Variants in ZNF738 observed in about 807,000 individuals in gnomAD.
ZNF738 encodes zinc finger protein 738.
Under a neutral mutation model 9.2 loss-of-function variants are expected in ZNF738, and 10 were observed. That is an observed-to-expected ratio of 1.09 (90% CI 0.67 to 1.85). The LOEUF (loss-of-function observed/expected upper bound fraction) is 1.85, where lower values mean the gene tolerates loss of function less well. Among genes scored for constraint, ZNF738 ranks in the 40% most tolerant of loss-of-function variants. The pLI, the probability that ZNF738 is intolerant of heterozygous loss-of-function variation, is 0.00. For missense variants in ZNF738, 346 were observed against 283.6 expected (o/e 1.22, Z -1.58); for synonymous variants, 113 against 94.5 (o/e 1.20, Z -1.14).
rs1178788958 is a variant in ZNF738, at chr19:21,385,549, T to G, written c.*1875T>G. Among the ~76,000 whole-genome samples the G allele has an allele frequency of 1.3e-5, 2 of 152,012 alleles. No individual in the cohort carries two copies. The highest frequency in any genetic ancestry group is 2.9e-5 in the Non-Finnish European group (2 of 67,992). On this transcript the variant is annotated 3_prime_UTR_variant, in exon 5 of 5. Transcript: ENST00000683779. ...AGAATGTGAGAAAGCTCTTAACCAG[T>G]CCTCACACCTTACTGCACATAAGAG...
At chr19:21,382,525 C>A (rs1974018401) in intron 4 of ZNF738, among the ~76,000 whole-genome samples, 1 of 152,110 alleles carries the variant, frequency 6.6e-6, no homozygotes, top group Admixed American at 6.5e-5. Flanking sequence ...GTGTGAGCCA[C>A]CACATCTGGG....
At chr19:21,376,036 C>T in intron 4 of ZNF738, 72 bp downstream of exon 4, 1 of 620,382 alleles carries the variant, frequency 1.6e-6, no homozygotes, top group Admixed American at 2.6e-5. Context: ...AAAGCAGTCC[C>T]TATAATGTGA....
intron 4 of ZNF738, 191 bp downstream of exon 4, chr19:21,376,155 G>A (rs1568369688): frequency 2.4e-6 from 1 of 411,736 alleles, no homozygotes; most frequent in Non-Finnish European, 4.5e-6. Flanking sequence ...GCCATCTTCT[G>A]TCTTAGGCTT....
chr19:21,383,573 C>A lies in ZNF738; in HGVS notation c.1027C>A (p.Pro343Thr). ...KHKIIHTGEK[P>T]YKCEECGKAF... The stretch of plus-strand genomic sequence containing the variant: ...TAAGATAATTCATACTGGAGAGAAA[C>A]CCTACAAATGTGAGGAATGTGGCAA... The change falls in exon 5 of 5, where the codon CCC (proline) becomes ACC (threonine). Residue 343 changes from proline to threonine, a missense_variant. Physicochemically the swap from Pro to Thr is conservative, Grantham distance 38. Coordinates refer to ENST00000683779, the MANE Select transcript of ZNF738 (RefSeq NM_001355237.2). 9.7e-7 allele frequency: 1 copy of A among 1,026,698 alleles called. No homozygotes were observed. Among genetic ancestry groups the A allele is most frequent in the Non-Finnish European group, 1.5e-6 (1 of 662,366 alleles). 63.6% of individuals were successfully genotyped at this position (1,026,698 alleles called of 1,614,324 possible). A position where few individuals can be genotyped will look rare whatever the true frequency, so the allele number is the denominator to read the frequency against.
rs1974065438 is a variant in ZNF738, at chr19:21,386,228, A to G, written c.*2554A>G. 1.0e-5 allele frequency: 3 copies of G among 291,898 alleles called. No individual in the cohort carries two copies. Among genetic ancestry groups the G allele is most frequent in the Non-Finnish European group, 2.1e-5 (3 of 143,188 alleles). 18.1% of individuals were successfully genotyped at this position (291,898 alleles called of 1,614,324 possible). ...TAATGGTCCCCTCAACTTTCTGCAC[A>G]TAAGATAATTTATACTGTGGAGAAG... On this transcript the variant is annotated 3_prime_UTR_variant, in exon 5 of 5. Coordinates refer to ENST00000683779, the MANE Select transcript of ZNF738 (RefSeq NM_001355237.2).
chr19:21,375,215 G>GTA (rs532564426), intron 2 of ZNF738, 23 bp from the exon 3 acceptor site: 1 of 888,394 alleles, frequency 1.1e-6, no homozygotes, highest in Non-Finnish European at 1.7e-6. Context: ...TTGTAAATAT[G>GTA]TGTGTGTGTG....
intron 3 of ZNF738, 56 bp downstream of exon 3, chr19:21,375,420 A>T: frequency 1.7e-6 from 1 of 579,478 alleles, no homozygotes; most frequent in Non-Finnish European, 3.1e-6. Context: ...TCATTTCTCC[A>T]TTTTTGTAGA....
Position 21,374,152 on chromosome 19 carries a change from T to C in ZNF738, c.97-1086T>C, listed in dbSNP as rs183814893. 5.9e-5 allele frequency among the ~76,000 whole-genome samples: 9 copies of C among 152,312 alleles called. No homozygotes were observed. The East Asian group carries it at 1.7e-3, about 29-fold the overall frequency. ...TAGTAAGGATGGAGAACATGTAATG[T>C]TGAGGTTTCATATGTGTTCTTCATT... On this transcript the variant is annotated intron_variant, in intron 2 of 4. Transcript: ENST00000683779.
chr19:21,375,722 C>A, intron 3 of ZNF738, 147 bp from the exon 4 acceptor site: 1 of 453,360 alleles, frequency 2.2e-6, no homozygotes, highest in South Asian at 4.3e-5. Context: ...AAAATATTTT[C>A]TAAATGTAAG....
intron 4 of ZNF738, chr19:21,377,628 A>T: frequency 2.1e-6 from 1 of 466,390 alleles, no homozygotes; most frequent in Non-Finnish European, 3.8e-6. Flanking sequence ...TTTATGTAAG[A>T]TATGACAGTT....
At chr19:21,371,846 AAAAG>A (rs1973860714) in intron 2 of ZNF738, 1 of 152,246 alleles carries the variant, frequency 6.6e-6, no homozygotes, top group Non-Finnish European at 1.5e-5. Context: ...AGAAAACTTT[AAAAG>A]ATCCATTTAA....
intron 3 of ZNF738, 44 bp from the exon 4 acceptor site, chr19:21,375,825 G>A (rs1973920310): frequency 2.6e-6 from 2 of 759,062 alleles, no homozygotes; most frequent in Admixed American, 1.8e-5. Flanking sequence ...TAGGTAATTA[G>A]AGAATATGAG....
chr19:21,386,259 C>A lies in ZNF738; in HGVS notation c.*2585C>A. 1 of 280,504 alleles carries A rather than the reference C, an allele frequency of 3.6e-6. No individual in the cohort carries two copies. The allele number at this position is 280,504 out of a possible 1,614,324, so 17.4% of individuals were successfully genotyped here. A position where few individuals can be genotyped will look rare whatever the true frequency, so the allele number is the denominator to read the frequency against. On this transcript the variant is annotated 3_prime_UTR_variant, in exon 5 of 5. Coordinates refer to ENST00000683779, the MANE Select transcript of ZNF738 (RefSeq NM_001355237.2). ...TAATTTATACTGTGGAGAAGCCTTA[C>A]AAATGTGAAAAATGTAGCAAACCTT...
intron 4 of ZNF738, chr19:21,381,717 T>C: frequency 3.2e-6 from 1 of 312,946 alleles, no homozygotes; most frequent in Non-Finnish European, 6.1e-6. Flanking sequence ...ATGGTCTCGA[T>C]CTCCTGACCT....
intron 2 of ZNF738, 25 bp from the exon 3 acceptor site, chr19:21,375,213 A>ATATG: frequency 7.2e-6 from 6 of 839,046 alleles, no homozygotes; most frequent in Non-Finnish European, 1.1e-5. Flanking sequence ...ACTTGTAAAT[A>ATATG]TGTGTGTGTG....
At chr19:21,366,941 A>G (rs1973789481) in intron 2 of ZNF738, among the ~76,000 whole-genome samples, 1 of 152,016 alleles carries the variant, frequency 6.6e-6, no homozygotes, top group Admixed American at 6.6e-5. Context: ...CTCCTATCTC[A>G]TCTTGTGACT....
Position 21,388,473 on chromosome 19 carries a change from T to G in ZNF738, c.*4799T>G, listed in dbSNP as rs1016430143. Among the ~76,000 whole-genome samples, 2 of 152,170 alleles carry G rather than the reference T, an allele frequency of 1.3e-5. No homozygotes were observed. The highest frequency in any genetic ancestry group is 2.9e-5 in the Non-Finnish European group (2 of 68,020). On this transcript the variant is annotated 3_prime_UTR_variant, in exon 5 of 5. Transcript: ENST00000683779. Reference sequence around the variant, plus strand: ...CTTGAGTGATATATGAGGTAGGTGTTAAGAGTATTGTTCTTTTGCATTATG... The same window carrying G: ...CTTGAGTGATATATGAGGTAGGTGTGAAGAGTATTGTTCTTTTGCATTATG...
chr19:21,381,915 C>G (rs1228750175), intron 4 of ZNF738: 3 of 244,370 alleles, frequency 1.2e-5, no homozygotes, highest in Non-Finnish European at 2.6e-5. Context: ...ACTAAGGAAG[C>G]TGACATCTTC....
At chr19:21,376,984 T>C (rs1973936027) in intron 4 of ZNF738, among the ~76,000 whole-genome samples, 1 of 152,158 alleles carries the variant, frequency 6.6e-6, no homozygotes, top group Admixed American at 6.5e-5. Flanking sequence ...CCTCATATTC[T>C]TGAGGACTCT....
Sources: allele counts gnomAD v4.1 joint callset (sites outside exome capture counted in the v4.1 genomes callset), GRCh38; gene constraint gnomAD v4.1.1; transcripts MANE v1.5; gene names NCBI Gene and HGNC (gene_info 2026-07-23, HGNC 2026-07-21).